SEM1: variants seen among roughly 807,000 people sequenced by gnomAD.
The protein encoded by SEM1 is SEM1 26S proteasome subunit.
In SEM1, 3 loss-of-function variants were observed where a neutral mutation model predicts 12.7. The ratio of observed to expected loss-of-function variants is 0.24; its 90% CI spans 0.11 to 0.61. SEM1 has a LOEUF of 0.61. SEM1 is among the 20% of genes least tolerant of loss of function. SEM1 has a pLI of 0.88. For missense variants in SEM1, 59 were observed against 81.3 expected, an observed-to-expected ratio of 0.73 and a Z score of 1.06; for synonymous variants, 30 against 27.8, an observed-to-expected ratio of 1.08 and a Z score of -0.25.
intron 2 of SEM1, among the ~76,000 whole-genome samples, chr7:96,593,647 A>C (rs1806906033): frequency 1.3e-5 from 2 of 152,200 alleles, no homozygotes; most frequent in African/African-American, 4.8e-5. Context: ...GCATACACAA[A>C]TTTAAATTTC....
chr7:96,509,889 T>C (rs986194786), intron 2 of SEM1, among the ~76,000 whole-genome samples: 1 of 151,820 alleles, frequency 6.6e-6, no homozygotes, highest in South Asian at 2.1e-4. Flanking sequence ...TAGCCAGGGA[T>C]TGAGGGAGGG....
intron 2 of SEM1, among the ~76,000 whole-genome samples, chr7:96,691,397 T>C (rs1789930225): frequency 6.6e-6 from 1 of 152,160 alleles, no homozygotes; most frequent in African/African-American, 2.4e-5. Context: ...GCACTAATTA[T>C]CATCTGAGTT....
intron 2 of SEM1, among the ~76,000 whole-genome samples, chr7:96,555,444 T>C (rs1257375599): frequency 6.9e-6 from 1 of 145,168 alleles, no homozygotes; most frequent in Non-Finnish European, 1.5e-5. Context: ...CATTTCGTTA[T>C]GTACCCAGTA....
chr7:96,558,048 G>T (rs1277523681), intron 2 of SEM1: 2 of 154,174 alleles, frequency 1.3e-5, no homozygotes, highest in Non-Finnish European at 2.9e-5. Context: ...GCTTCGGCTC[G>T]CACACGGTGC....
intron 2 of SEM1, among the ~76,000 whole-genome samples, chr7:96,590,959 TTGA>T (rs1554421375): frequency 6.6e-6 from 1 of 152,200 alleles, no homozygotes; most frequent in Non-Finnish European, 1.5e-5. Context: ...AACACTTTTC[TTGA>T]TGAAACTATC....
At chr7:96,499,691 C>T (rs1261539877), upstream of SEM1, among the ~76,000 whole-genome samples, 1 of 152,126 alleles carries the variant, frequency 6.6e-6, no homozygotes, top group Non-Finnish European at 1.5e-5. Flanking sequence ...AACTCCACCA[C>T]AGAAAATCAG....
chr7:96,620,529 G>C (rs757939262), downstream of SEM1, among the ~76,000 whole-genome samples: 6 of 152,162 alleles, frequency 3.9e-5, no homozygotes, highest in South Asian at 2.1e-4. Context: ...CTAGTGGGTT[G>C]AGGGATTCTC....
intron 2 of SEM1, among the ~76,000 whole-genome samples, chr7:96,579,155 A>C (rs1480916081): frequency 6.6e-6 from 1 of 152,208 alleles, no homozygotes; most frequent in African/African-American, 2.4e-5. Context: ...TGAGATTCCA[A>C]GTTTCTCTCT....
Position 96,695,007 on chromosome 7 carries a change from T to C in SEM1, c.77-116A>G, listed in dbSNP as rs1790044341. The C allele has an allele frequency of 1.5e-5, 10 of 660,400 alleles. No individual in the cohort carries two copies. In the Admixed American group the frequency reaches 2.4e-4, roughly 16 times the overall value. 40.9% of individuals were successfully genotyped at this position (660,400 alleles called of 1,614,324 possible). ...CAATTCAAAAACAGCTAAAACCATA[T>C]CTATGAAAAATGGTATCTTCCTTAA... is the stretch of plus-strand genomic sequence containing the variant. On this transcript the variant is annotated intron_variant, in intron 1 of 2. Transcript: ENST00000248566.
At chr7:96,507,027 A>C (rs1378871151) in intron 2 of SEM1, among the ~76,000 whole-genome samples, 1 of 152,008 alleles carries the variant, frequency 6.6e-6, no homozygotes, top group Non-Finnish European at 1.5e-5. Context: ...AAAAGGACTT[A>C]ATTACACCTG....
At chr7:96,692,712 T>C (rs1026184002) in intron 2 of SEM1, among the ~76,000 whole-genome samples, 3 of 152,060 alleles carry the variant, frequency 2.0e-5, no homozygotes, top group Admixed American at 2.0e-4. Context: ...GTACAATGCT[T>C]GGAACAGATG....
chr7:96,584,840 T>C (rs1360039642), intron 2 of SEM1, among the ~76,000 whole-genome samples: 1 of 151,492 alleles, frequency 6.6e-6, no homozygotes, highest in Non-Finnish European at 1.5e-5. Flanking sequence ...AGCACTTCTC[T>C]GTATTGATTA....
At chr7:96,680,044 G>T (rs1417681996) in intron 2 of SEM1, among the ~76,000 whole-genome samples, 1 of 152,072 alleles carries the variant, frequency 6.6e-6, no homozygotes, top group Non-Finnish European at 1.5e-5. Context: ...GATACTGGGG[G>T]ATTTTCCTGA....
intron 2 of SEM1, among the ~76,000 whole-genome samples, chr7:96,632,791 T>G (rs537764231): frequency 6.5e-4 from 98 of 150,410 alleles, no homozygotes; most frequent in African/African-American, 1.8e-3. Flanking sequence ...TTTGTTTTTT[T>G]TTTTTTTTTG....
chr7:96,690,257 G>A (rs1024763649), intron 2 of SEM1, among the ~76,000 whole-genome samples: 4 of 151,894 alleles, frequency 2.6e-5, no homozygotes, highest in African/African-American at 9.7e-5. Context: ...CAAAAACAAT[G>A]AACAAAAAAA....
In SEM1 at chr7:96,565,405, A is replaced by G. The variant is rs1178892165; in HGVS notation, c.171-58707T>C. ...TTGTAATGGCCCGGAGGCAGCCATTATAGTCTAAAGGTCAATGCTCTGTGA... is the reference window on the plus strand; with the variant it reads ...TTGTAATGGCCCGGAGGCAGCCATTGTAGTCTAAAGGTCAATGCTCTGTGA... On this transcript the variant is annotated intron_variant and NMD_transcript_variant, in intron 2 of 3. Transcript: ENST00000466986. Among the ~76,000 whole-genome samples the G allele has an allele frequency of 2.0e-5, 3 of 152,056 alleles. No homozygotes were observed. The East Asian group carries it at 5.8e-4, about 29-fold the overall frequency.
chr7:96,638,028 A>G (rs1808480969), intron 2 of SEM1, among the ~76,000 whole-genome samples: 1 of 152,006 alleles, frequency 6.6e-6, no homozygotes, highest in Admixed American at 6.6e-5. Flanking sequence ...AAATTAGCAG[A>G]TGATGCCTGC....
chr7:96,531,561 T>G (rs1304759079), intron 2 of SEM1, among the ~76,000 whole-genome samples: 2 of 148,582 alleles, frequency 1.3e-5, no homozygotes, highest in Admixed American at 6.8e-5. Context: ...TGAGCCATCA[T>G]CATGTCACTG....
chr7:96,499,954 T>A (rs1803454432), upstream of SEM1, among the ~76,000 whole-genome samples: 1 of 152,308 alleles, frequency 6.6e-6, no homozygotes, highest in East Asian at 1.9e-4. Context: ...TAACATCAAA[T>A]AATTAGTAAG....
Sources: allele counts gnomAD v4.1 joint callset (sites outside exome capture counted in the v4.1 genomes callset), GRCh38; gene constraint gnomAD v4.1.1; transcripts MANE v1.5; gene names NCBI Gene and HGNC (gene_info 2026-07-23, HGNC 2026-07-21).